KISS1R: variants seen among roughly 807,000 people sequenced by gnomAD.
KISS1R encodes KISS1 receptor, also known as kiSS-1 receptor.
Under a neutral mutation model 22.0 loss-of-function variants are expected in KISS1R, and 19 were observed. The observed-to-expected ratio is 0.86, with a 90% CI of 0.60 to 1.26. The LOEUF (loss-of-function observed/expected upper bound fraction) is 1.26, where lower values mean the gene tolerates loss of function less well. KISS1R is among the 50% of genes most tolerant of loss of function. The pLI, the probability that KISS1R is intolerant of heterozygous loss-of-function variation, is 0.00. For missense variants in KISS1R, 653 were observed against 581.9 expected (o/e 1.12, Z -1.26); for synonymous variants, 302 against 283.9 (o/e 1.06, Z -0.64).
Position 919,610 on chromosome 19 carries a change from C to T in KISS1R, c.490C>T (p.Leu164Phe). 3 of 1,552,912 alleles carry T rather than the reference C, an allele frequency of 1.9e-6. No homozygotes were observed. The highest frequency in any genetic ancestry group is 2.6e-6 in the Non-Finnish European group (3 of 1,152,686). Reference sequence around the variant, plus strand: ...GCCCCGCCTGGCGCTGGCTGTCAGCCTCAGCATCTGGGTAGGTGAGTACAG... The same window carrying T: ...GCCCCGCCTGGCGCTGGCTGTCAGCTTCAGCATCTGGGTAGGTGAGTACAG... ...RTPRLALAVS[L>F]SIWVGSAAVS... The change falls in exon 3 of 5, where the codon CTC becomes TTC. Residue 164 changes from leucine (L) to phenylalanine (F), a missense_variant. Coordinates refer to ENST00000234371, the MANE Select transcript of KISS1R (RefSeq NM_032551.5).
At chr19:919,037 C>A (rs1429066449) in intron 2 of KISS1R, among the ~76,000 whole-genome samples, 1 of 149,680 alleles carries the variant, frequency 6.7e-6, no homozygotes, top group East Asian at 2.0e-4. Flanking sequence ...GGAGGACGGA[C>A]CTTGGGCGGG....
chr19:918,971 A>C (rs2145319030), intron 2 of KISS1R, among the ~76,000 whole-genome samples: 2 of 72,122 alleles, frequency 2.8e-5, no homozygotes, highest in Non-Finnish European at 2.7e-5. Flanking sequence ...AGGAGAGGGG[A>C]TGAGCTCCGG....
chr19:919,583 A>T lies in KISS1R; in HGVS notation c.463A>T (p.Thr155Ser). ...VFPLRALHRR[T>S]PRLALAVSLS... ...CCCGTTGCGCGCCCTGCACCGCCGCACGCCCCGCCTGGCGCTGGCTGTCAG... is the reference window on the plus strand; with the variant it reads ...CCCGTTGCGCGCCCTGCACCGCCGCTCGCCCCGCCTGGCGCTGGCTGTCAG... Residue 155 changes from threonine (T) to serine (S), a missense_variant, in exon 3 of 5, where the codon ACG (threonine) becomes TCG (serine). Transcript: ENST00000234371. 1 of 1,545,956 alleles carries T rather than the reference A, an allele frequency of 6.5e-7. No individual in the cohort carries two copies. Among genetic ancestry groups the T allele is most frequent in the South Asian group, 1.2e-5 (1 of 84,534 alleles).
chr19:920,756 C>G lies in KISS1R; in HGVS notation c.*8C>G, dbSNP rs1029509557. ...GACAACGCCCCTCTCTGAGCGGACC[C>G]GGTGGGAATCCGAGCGGCTCCCTCG... On this transcript the variant is annotated 3_prime_UTR_variant, in exon 5 of 5. Transcript: ENST00000234371. 19 of 1,274,350 alleles carry G rather than the reference C, an allele frequency of 1.5e-5. No homozygotes were observed. Among genetic ancestry groups the G allele is most frequent in the African/African-American group, 1.1e-4 (7 of 65,734 alleles). 78.9% of individuals were successfully genotyped at this position (1,274,350 alleles called of 1,614,324 possible).
At position 919,895 on chromosome 19, in the gene KISS1R, C is replaced by G; in HGVS notation, c.527C>G (p.Pro176Arg). The G allele has an allele frequency of 6.5e-7, 1 of 1,541,738 alleles. No individual in the cohort carries two copies. Among genetic ancestry groups the G allele is most frequent in the Non-Finnish European group, 8.7e-7 (1 of 1,148,116 alleles). Residue 176 changes from proline (P) to arginine (R), a missense_variant, in exon 4 of 5, where the codon CCG becomes CGG. By Grantham distance (103) the Pro-to-Arg change is moderately radical. Coordinates refer to ENST00000234371, the MANE Select transcript of KISS1R (RefSeq NM_032551.5). ...IWVGSAAVSA[P>R]VLALHRLSPG... ...ACAGGCTCTGCGGCGGTGTCTGCGC[C>G]GGTGCTCGCCCTGCACCGCCTGTCA...
At chr19:918,722 G>C (rs541966591) in intron 2 of KISS1R, 54 bp downstream of exon 2, 2 of 1,447,944 alleles carry the variant, frequency 1.4e-6, no homozygotes, top group African/African-American at 1.6e-5. Context: ...GCGGGGGTGC[G>C]CTCCGCAGTG....
intron 2 of KISS1R, 64 bp from the exon 3 acceptor site, chr19:919,426 C>T (rs931759943): frequency 1.8e-5 from 27 of 1,532,412 alleles, no homozygotes; most frequent in Admixed American, 5.9e-5. Context: ...ATCAGCAGGG[C>T]GGGCGGACAG....
chr19:920,702 CCG>C lies in KISS1R; in HGVS notation c.1158_1159del (p.Gly387AlafsTer55). On this transcript the variant is annotated frameshift_variant, in exon 5 of 5. Coordinates refer to ENST00000234371, the MANE Select transcript of KISS1R (RefSeq NM_032551.5). LOFTEE classifies it low-confidence loss of function (END_TRUNC). The stretch of plus-strand genomic sequence containing the variant: ...CAGAAGCCAGGGAGCAGTGGGCTGG[CCG>C]CGCGCGGGCTGTGCGTCCTGGGGGA... 1 of 1,310,442 alleles carries C rather than the reference CCG, an allele frequency of 7.6e-7. No individual in the cohort carries two copies. Among genetic ancestry groups the C allele is most frequent in the Non-Finnish European group, 9.7e-7 (1 of 1,030,628 alleles). 81.2% of individuals were successfully genotyped at this position (1,310,442 alleles called of 1,614,324 possible). A position where few individuals can be genotyped will look rare whatever the true frequency, so the allele number is the denominator to read the frequency against.
chr19:919,963 G>A lies in KISS1R; in HGVS notation c.595G>A (p.Ala199Thr), dbSNP rs774878942. 4 of 1,570,694 alleles carry A rather than the reference G, an allele frequency of 2.5e-6. No homozygotes were observed. In the South Asian group the frequency reaches 3.5e-5, roughly 14 times the overall value. Residue 199 changes from alanine (A) to threonine (T), a missense_variant, in exon 4 of 5, where the codon GCC becomes ACC. Coordinates refer to ENST00000234371, the MANE Select transcript of KISS1R (RefSeq NM_032551.5). The stretch of plus-strand genomic sequence containing the variant: ...CTGCAGTGAGGCCTTCCCCAGCCGC[G>A]CCCTGGAGCGCGCCTTCGCACTGTA... ...AYCSEAFPSR[A>T]LERAFALYNL...
intron 2 of KISS1R, 95 bp from the exon 3 acceptor site, chr19:919,395 A>T: frequency 1.3e-6 from 2 of 1,497,032 alleles, no homozygotes; most frequent in Middle Eastern, 2.3e-4. Flanking sequence ...TATGTGCCTG[A>T]GTGTTCGCAC....
chr19:919,151 G>T (rs2037089799), intron 2 of KISS1R, among the ~76,000 whole-genome samples: 2 of 151,064 alleles, frequency 1.3e-5, no homozygotes, highest in Admixed American at 1.3e-4. Context: ...CGGGAATGGG[G>T]GAGGGATGCA....
chr19:918,221 TTG>T (rs1302960052), intron 1 of KISS1R, among the ~76,000 whole-genome samples: 1 of 152,186 alleles, frequency 6.6e-6, no homozygotes, highest in Non-Finnish European at 1.5e-5. Flanking sequence ...CAGTTTGCAG[TTG>T]TGGAAACTGA....
intron 1 of KISS1R, among the ~76,000 whole-genome samples, chr19:918,278 A>C (rs1234991495): frequency 6.6e-6 from 1 of 152,204 alleles, no homozygotes; most frequent in Non-Finnish European, 1.5e-5. Flanking sequence ...CAGCCCGGAC[A>C]GGGCCCAGCA....
intron 2 of KISS1R, 86 bp from the exon 3 acceptor site, chr19:919,404 A>C (rs1028459644): frequency 6.6e-7 from 1 of 1,519,370 alleles, no homozygotes; most frequent in South Asian, 1.2e-5. Flanking sequence ...GAGTGTTCGC[A>C]CACGTAGGGG....
chr19:918,736 G>C, intron 2 of KISS1R, 68 bp downstream of exon 2: 1 of 1,521,678 alleles, frequency 6.6e-7, no homozygotes. Flanking sequence ...CGCAGTGGGA[G>C]GGGAGGGGAC....
chr19:919,081 G>T (rs2037088878), intron 2 of KISS1R, among the ~76,000 whole-genome samples: 1 of 150,980 alleles, frequency 6.6e-6, no homozygotes, highest in Admixed American at 6.6e-5. Context: ...CCAGGGGCTG[G>T]GGTGCCCAGC....
chr19:918,413 G>A (rs866726808), intron 1 of KISS1R, 131 bp from the exon 2 acceptor site: 4 of 1,104,580 alleles, frequency 3.6e-6, no homozygotes, highest in Non-Finnish European at 2.5e-6. Context: ...GCTGGGGGAG[G>A]GGGGGGCCTC....
Position 920,532 on chromosome 19 carries a change from C to T in KISS1R, c.981C>T (p.Gly327=), listed in dbSNP as rs1401941046. The T allele has an allele frequency of 1.3e-6, 2 of 1,597,642 alleles. No individual in the cohort carries two copies. The highest frequency in any genetic ancestry group is 2.8e-5 in the African/African-American group (2 of 72,418). ...ACCCGCTGCTCTACGCCTTCCTGGG[C>T]TCGCACTTCCGACAGGCCTTCCGCC... ...ALNPLLYAFL[G]SHFRQAFRRV... is the part of the protein sequence containing the mutation. Residue 327 remains glycine (G), a synonymous_variant, in exon 5 of 5, where the codon GGC becomes GGT. Transcript: ENST00000234371.
At position 917,652 on chromosome 19, in the gene KISS1R, G is replaced by C. The variant is rs145214229; in HGVS notation, c.150G>C (p.Ala50=). The change falls in exon 1 of 5, where the codon GCG becomes GCC. Residue 50 remains alanine, a synonymous_variant. Coordinates refer to ENST00000234371, the MANE Select transcript of KISS1R (RefSeq NM_032551.5). ...VDAWLVPLFF[A]ALMLLGLVGN... ...CCTGGCTCGTGCCGCTCTTCTTCGCGGCGCTGATGCTGCTGGGCCTGGTGG... is the reference window on the plus strand; with the variant it reads ...CCTGGCTCGTGCCGCTCTTCTTCGCCGCGCTGATGCTGCTGGGCCTGGTGG... 9 of 1,590,518 alleles carry C rather than the reference G, an allele frequency of 5.7e-6. No homozygotes were observed. Among genetic ancestry groups the C allele is most frequent in the Non-Finnish European group, 6.8e-6 (8 of 1,170,320 alleles).
Sources: allele counts gnomAD v4.1 joint callset (sites outside exome capture counted in the v4.1 genomes callset), GRCh38; gene constraint gnomAD v4.1.1; transcripts MANE v1.5; gene names NCBI Gene and HGNC (gene_info 2026-07-23, HGNC 2026-07-21).